ACTR3C: variants seen among roughly 807,000 people sequenced by gnomAD.
The protein encoded by ACTR3C is actin-related protein 3C.
Under a neutral mutation model 26.3 loss-of-function variants are expected in ACTR3C, and 18 were observed. The observed-to-expected ratio is 0.68, with a 90% CI of 0.47 to 1.01. The LOEUF (loss-of-function observed/expected upper bound fraction) is 1.01, where lower values mean the gene tolerates loss of function less well. Among genes scored for constraint, ACTR3C ranks in the 50% least tolerant of loss-of-function variants. The pLI is 0.00. For missense variants in ACTR3C, 184 were observed against 250.7 expected (o/e 0.73, Z 1.80); for synonymous variants, 55 against 94.5 (o/e 0.58, Z 2.42).
the ACTR3C span, among the ~76,000 whole-genome samples, chr7:150,093,003 C>A: frequency 1.3e-5 from 2 of 151,352 alleles, 1 homozygote; most frequent in African/African-American, 4.9e-5. Flanking sequence ...ATGTAGGGAG[C>A]GTTGGCTAAA....
the ACTR3C span, among the ~76,000 whole-genome samples, chr7:150,225,807 C>A: frequency 6.6e-6 from 1 of 152,180 alleles, no homozygotes. Context: ...TGTAATGTAT[C>A]CACATTGTGT....
chr7:150,184,909 A>C, the ACTR3C span, among the ~76,000 whole-genome samples: 2 of 149,150 alleles, frequency 1.3e-5, no homozygotes, highest in Non-Finnish European at 2.9e-5. Flanking sequence ...CGCTTCCTTC[A>C]TGGGAACTAA....
At chr7:150,084,948 A>C in the ACTR3C span, among the ~76,000 whole-genome samples, 1 of 152,084 alleles carries the variant, frequency 6.6e-6, no homozygotes, top group Admixed American at 6.5e-5. Flanking sequence ...TGCATGGATT[A>C]GGGGTATATT....
At chr7:149,938,942 TATG>T in the ACTR3C span, among the ~76,000 whole-genome samples, 1 of 46,778 alleles carries the variant, frequency 2.1e-5, no homozygotes, top group Admixed American at 2.0e-4. Context: ...TATATAAATA[TATG>T]TATATATATA....
At chr7:150,258,501 C>A (rs1440276958) in intron 6 of ACTR3C, among the ~76,000 whole-genome samples, 1 of 152,048 alleles carries the variant, frequency 6.6e-6, no homozygotes, top group East Asian at 1.9e-4. Context: ...TAAAGTCCAC[C>A]TTTCAGTGGT....
At chr7:149,921,985 G>A in the ACTR3C span, among the ~76,000 whole-genome samples, 16 of 150,554 alleles carry the variant, frequency 1.1e-4, no homozygotes, top group African/African-American at 3.1e-4. Flanking sequence ...TATTTTCTGT[G>A]CGTAGTCCCA....
intron 4 of ACTR3C, among the ~76,000 whole-genome samples, chr7:150,288,271 G>GA (rs1166252635): frequency 6.7e-6 from 1 of 150,268 alleles, no homozygotes; most frequent in Non-Finnish European, 1.5e-5. Flanking sequence ...AGCCCGTGAG[G>GA]AGAGTTGAAG....
the ACTR3C span, among the ~76,000 whole-genome samples, chr7:149,959,969 T>C: frequency 6.6e-6 from 1 of 151,870 alleles, no homozygotes; most frequent in South Asian, 2.1e-4. Flanking sequence ...CTATAATTTT[T>C]AAAGACTGAA....
At chr7:150,011,350 G>C in the ACTR3C span, among the ~76,000 whole-genome samples, 1 of 151,978 alleles carries the variant, frequency 6.6e-6, no homozygotes. Flanking sequence ...ACTTTGGGAG[G>C]CCAAGGCAGG....
At chr7:150,226,167 G>A in the ACTR3C span, among the ~76,000 whole-genome samples, 9 of 152,142 alleles carry the variant, frequency 5.9e-5, no homozygotes, top group African/African-American at 2.2e-4. Flanking sequence ...TTTGCATGTA[G>A]ATTTTTTGTG....
chr7:150,114,268 C>A, the ACTR3C span, among the ~76,000 whole-genome samples: 1 of 152,144 alleles, frequency 6.6e-6, no homozygotes, highest in Non-Finnish European at 1.5e-5. Flanking sequence ...TACTTGCATG[C>A]ATCCTCTAAT....
the ACTR3C span, among the ~76,000 whole-genome samples, chr7:150,011,123 G>A: frequency 1.3e-5 from 2 of 151,904 alleles, no homozygotes; most frequent in African/African-American, 2.4e-5. Flanking sequence ...GATGAGCTAT[G>A]CCCTTCTCAT....
chr7:150,243,457 C>A (rs2129608575), downstream of ACTR3C, among the ~76,000 whole-genome samples: 1 of 151,980 alleles, frequency 6.6e-6, no homozygotes, highest in East Asian at 1.9e-4. Context: ...ATGGTTAATT[C>A]TCATTTGTTA....
the ACTR3C span, among the ~76,000 whole-genome samples, chr7:150,173,858 AAT>A: frequency 4.0e-5 from 6 of 148,372 alleles, no homozygotes; most frequent in Non-Finnish European, 7.4e-5. Flanking sequence ...GCAGGGGCAA[AAT>A]GCCACCAGTC....
rs1440996727 is a variant in ACTR3C, at chr7:150,274,619, G to A, written c.564+10134C>T. On this transcript the variant is annotated intron_variant, in intron 6 of 7. Transcript: ENST00000683684. The surrounding 1 kb of genome is among the most constrained non-coding windows in gnomAD (Gnocchi z 4.1). ...GGGTGACCTAATAATTCCATGAGAC[G>A]CTTACGCCTGGCCCATCCTGCACCT... is the stretch of plus-strand genomic sequence containing the variant. 1.3e-5 allele frequency among the ~76,000 whole-genome samples: 2 copies of A among 152,138 alleles called. No individual in the cohort carries two copies. Among genetic ancestry groups the A allele is most frequent in the Admixed American group, 6.5e-5 (1 of 15,268 alleles).
the ACTR3C span, among the ~76,000 whole-genome samples, chr7:150,075,808 A>G: frequency 6.6e-5 from 10 of 152,216 alleles, no homozygotes; most frequent in Admixed American, 6.5e-4. Flanking sequence ...TTTACAAAAT[A>G]TCAGCCTGGT....
the ACTR3C span, among the ~76,000 whole-genome samples, chr7:150,009,643 C>T: frequency 1.5e-4 from 23 of 152,246 alleles, no homozygotes; most frequent in South Asian, 1.7e-3. Flanking sequence ...AAAGCAAGAA[C>T]GGGGCAGCAA....
chr7:150,071,740 T>A, the ACTR3C span, among the ~76,000 whole-genome samples: 2 of 151,306 alleles, frequency 1.3e-5, no homozygotes, highest in Admixed American at 6.6e-5. Context: ...GGGCCTCCCA[T>A]AAGTAAGGCC....
At chr7:150,126,856 C>T in the ACTR3C span, among the ~76,000 whole-genome samples, 68 of 152,114 alleles carry the variant, frequency 4.5e-4, no homozygotes, top group African/African-American at 1.5e-3. Context: ...AAGGGTTCAT[C>T]GGGTAAAACT....
Sources: gnomAD v4.1 joint callset for allele counts (sites outside exome capture counted in the v4.1 genomes callset) on GRCh38, gnomAD v4.1.1 for gene constraint, Gnocchi (gnomAD v3.1) non-coding constraint, MANE v1.5 for transcripts, NCBI Gene and HGNC (gene_info 2026-07-23, HGNC 2026-07-21) for gene names.